Variants in INPP4B observed in about 807,000 individuals in gnomAD.
The protein encoded by INPP4B is inositol polyphosphate 4-phosphatase type II.
INPP4B carries 55 observed loss-of-function variants against 122.5 expected under a neutral mutation model. The observed-to-expected ratio is 0.45, with a 90% CI of 0.36 to 0.56. The LOEUF (loss-of-function observed/expected upper bound fraction) is 0.56. Ranked by LOEUF, INPP4B falls within the 20% of genes least tolerant of loss-of-function variation. The pLI is 0.00. For synonymous variants in INPP4B, 403 were observed against 388.7 expected, an observed-to-expected ratio of 1.04 and a Z score of -0.43; for missense variants, 1,000 against 1,097.7, an observed-to-expected ratio of 0.91 and a Z score of 1.26.
chr4:142,090,649 T>C (rs930873314), intron 23 of INPP4B, among the ~76,000 whole-genome samples: 2 of 152,092 alleles, frequency 1.3e-5, no homozygotes, highest in Admixed American at 1.3e-4. Context: ...TGCATTATTC[T>C]AACACAAAAT....
At chr4:142,129,801 T>G (rs1358111422) in intron 18 of INPP4B, among the ~76,000 whole-genome samples, 1 of 152,224 alleles carries the variant, frequency 6.6e-6, no homozygotes, top group Non-Finnish European at 1.5e-5. Flanking sequence ...TTTTCTTCTT[T>G]TAATAAATGC....
At chr4:142,777,139 T>C (rs1250669089) in intron 1 of INPP4B, among the ~76,000 whole-genome samples, 2 of 152,108 alleles carry the variant, frequency 1.3e-5, no homozygotes, top group African/African-American at 4.8e-5. Context: ...TATGGACTTT[T>C]ATATGTGATA....
intron 2 of INPP4B, among the ~76,000 whole-genome samples, chr4:142,713,399 G>T (rs891129594): frequency 6.6e-6 from 1 of 152,190 alleles, no homozygotes; most frequent in African/African-American, 2.4e-5. Flanking sequence ...CCCAGAAAGA[G>T]TCTACTGCAT....
chr4:142,526,947 GCTGT>G (rs1176284437), intron 2 of INPP4B, among the ~76,000 whole-genome samples: 1 of 151,938 alleles, frequency 6.6e-6, no homozygotes, highest in African/African-American at 2.4e-5. Flanking sequence ...GACAGATAAT[GCTGT>G]CTGTGATGTG....
chr4:142,258,138 C>G (rs1316091718), intron 11 of INPP4B, among the ~76,000 whole-genome samples: 2 of 151,912 alleles, frequency 1.3e-5, no homozygotes, highest in African/African-American at 4.8e-5. Flanking sequence ...GCTGGGAAAA[C>G]TGGCTAGCCA....
At chr4:142,424,608 T>C (rs552402688) in intron 5 of INPP4B, among the ~76,000 whole-genome samples, 1 of 152,198 alleles carries the variant, frequency 6.6e-6, no homozygotes, top group East Asian at 1.9e-4. Context: ...TTTTGTGTGA[T>C]GAAATATCCT....
chr4:142,593,352 T>G (rs1197213216), intron 2 of INPP4B, among the ~76,000 whole-genome samples: 1 of 152,154 alleles, frequency 6.6e-6, no homozygotes, highest in African/African-American at 2.4e-5. Context: ...CTCAGTCACC[T>G]CTTATACTTC....
intron 2 of INPP4B, among the ~76,000 whole-genome samples, chr4:142,513,032 C>T (rs1298062975): frequency 6.6e-6 from 1 of 152,104 alleles, no homozygotes; most frequent in Non-Finnish European, 1.5e-5. Context: ...CTTAAAATGT[C>T]ATTAAGAACT....
intron 2 of INPP4B, among the ~76,000 whole-genome samples, chr4:142,679,459 A>C (rs1758278065): frequency 6.6e-6 from 1 of 151,830 alleles, no homozygotes; most frequent in Non-Finnish European, 1.5e-5. Context: ...TTAATGTTTA[A>C]TTTATGGCAC....
chr4:142,355,851 T>C (rs369560666), intron 7 of INPP4B, among the ~76,000 whole-genome samples: 12 of 144,484 alleles, frequency 8.3e-5, no homozygotes, highest in East Asian at 6.0e-4. Flanking sequence ...ATATATTTCA[T>C]GGAGAGAAGC....
Position 142,173,753 on chromosome 4 carries a change from A to T in INPP4B, c.1238T>A (p.Val413Asp), listed in dbSNP as rs751551595. The change falls in exon 16 of 26, where the codon GTT becomes GAT. Residue 413 changes from valine (V) to aspartate (D), a missense_variant. By Grantham distance (152) the Val-to-Asp change is radical (BLOSUM62 -3). Coordinates refer to ENST00000262992, the MANE Select transcript of INPP4B (RefSeq NM_001101669.3). Reference protein sequence around the residue: ...SPENTAKAKEVLSNINQLQPL... With the variant: ...SPENTAKAKEDLSNINQLQPL... Reference sequence around the variant, plus strand: ...TTGTAGTTGATTGATGTTGCTGAGAACTTCCTTTGCTTTGGCTGTGTTTTC... The same window carrying T: ...TTGTAGTTGATTGATGTTGCTGAGATCTTCCTTTGCTTTGGCTGTGTTTTC... 1 of 1,613,284 alleles carries T rather than the reference A, an allele frequency of 6.2e-7. No individual in the cohort carries two copies. Among genetic ancestry groups the T allele is most frequent in the South Asian group, 1.1e-5 (1 of 91,060 alleles).
intron 9 of INPP4B, among the ~76,000 whole-genome samples, chr4:142,303,767 A>C (rs1762364620): frequency 6.6e-6 from 1 of 152,158 alleles, no homozygotes; most frequent in Non-Finnish European, 1.5e-5. Flanking sequence ...ATCAAGATCA[A>C]ATGACTAGGA....
intron 15 of INPP4B, among the ~76,000 whole-genome samples, chr4:142,179,577 C>T (rs962711742): frequency 2.0e-4 from 2 of 10,010 alleles, no homozygotes; most frequent in South Asian, 5.7e-3. Flanking sequence ...AAAAAACATT[C>T]ATTTTTGCTG....
At chr4:142,154,296 G>A (rs1283971918) in intron 17 of INPP4B, among the ~76,000 whole-genome samples, 1 of 152,062 alleles carries the variant, frequency 6.6e-6, no homozygotes, top group Non-Finnish European at 1.5e-5. Context: ...AATTATTTCT[G>A]TGTAACTAGA....
chr4:142,066,085 A>G (rs1763369715), intron 25 of INPP4B, among the ~76,000 whole-genome samples: 1 of 152,186 alleles, frequency 6.6e-6, no homozygotes, highest in South Asian at 2.1e-4. Context: ...TCAAATGTAT[A>G]ATTTTCTGAA....
chr4:142,066,294 T>G (rs1163340439), intron 25 of INPP4B, among the ~76,000 whole-genome samples: 1 of 152,082 alleles, frequency 6.6e-6, no homozygotes, highest in African/African-American at 2.4e-5. Flanking sequence ...ACAAAACACT[T>G]TAAATGGGTG....
chr4:142,165,164 T>C (rs1031880538), intron 16 of INPP4B, among the ~76,000 whole-genome samples: 1 of 151,766 alleles, frequency 6.6e-6, no homozygotes, highest in Admixed American at 6.6e-5. Flanking sequence ...AATGCCAGGC[T>C]GAACTCAAGA....
At chr4:142,065,043 G>C (rs1762810482) in intron 25 of INPP4B, among the ~76,000 whole-genome samples, 1 of 152,118 alleles carries the variant, frequency 6.6e-6, no homozygotes, top group Non-Finnish European at 1.5e-5. Flanking sequence ...GAAGAGTCTT[G>C]AGTATAGGAT....
chr4:142,686,195 G>T (rs1036914679), intron 2 of INPP4B, among the ~76,000 whole-genome samples: 2 of 152,058 alleles, frequency 1.3e-5, no homozygotes, highest in Non-Finnish European at 2.9e-5. Flanking sequence ...AGCAATACAG[G>T]CTGTTAGTCA....
Sources: allele counts gnomAD v4.1 joint callset (sites outside exome capture counted in the v4.1 genomes callset), GRCh38; gene constraint gnomAD v4.1.1; transcripts MANE v1.5; gene names NCBI Gene and HGNC (gene_info 2026-07-23, HGNC 2026-07-21).